The following CUL1 variants were observed in gnomAD, a reference collection of about 807,000 sequenced individuals.
CUL1 encodes cullin 1, also known as cullin-1.
A neutral mutation model predicts 118.0 loss-of-function variants in CUL1; 24 were observed. The ratio of observed to expected loss-of-function variants is 0.20; its 90% CI spans 0.15 to 0.29. The LOEUF (loss-of-function observed/expected upper bound fraction) is 0.29. CUL1 is among the 10% of genes least tolerant of loss of function. The pLI is 1.00. For missense variants in CUL1, 361 were observed against 933.8 expected, an observed-to-expected ratio of 0.39 and a Z score of 7.99; for synonymous variants, 332 against 340.4, an observed-to-expected ratio of 0.98 and a Z score of 0.27.
At chr7:148,790,479 A>G in intron 16 of CUL1, 38 bp downstream of exon 16, 1 of 1,563,070 alleles carries the variant, frequency 6.4e-7, no homozygotes, top group Non-Finnish European at 8.8e-7. Flanking sequence ...TTTCTATTCT[A>G]AATGAACATA....
chr7:148,758,610 A>G (rs1799736264), intron 4 of CUL1, among the ~76,000 whole-genome samples: 1 of 152,184 alleles, frequency 6.6e-6, no homozygotes, highest in African/African-American at 2.4e-5. Context: ...GAGTGAGATC[A>G]TGTCTCAAGA....
At chr7:148,789,976 C>T (rs1800950615) in intron 15 of CUL1, 150 bp downstream of exon 15, 7 of 759,068 alleles carry the variant, frequency 9.2e-6, no homozygotes, top group Admixed American at 2.2e-5. Flanking sequence ...CAGGGAAGAG[C>T]CCTGTGCAGT....
chr7:148,761,715 C>T lies in CUL1; in HGVS notation c.789+1219C>T, dbSNP rs147617254. ...GGATATGTACACAACTGAGTGTGGC[C>T]GGGTTCCAATAAAACTTTATTTACA... is the stretch of plus-strand genomic sequence containing the variant. On this transcript the variant is annotated intron_variant, in intron 7 of 21. Coordinates refer to ENST00000325222, the MANE Select transcript of CUL1 (RefSeq NM_003592.3). 1.8e-3 allele frequency among the ~76,000 whole-genome samples: 270 copies of T among 152,242 alleles called. 10 individuals carry two copies. In the East Asian group the frequency reaches 0.045, roughly 26 times the overall value.
At chr7:148,717,491 C>CA (rs1775487461) in intron 1 of CUL1, among the ~76,000 whole-genome samples, 1 of 151,988 alleles carries the variant, frequency 6.6e-6, no homozygotes, top group African/African-American at 2.4e-5. Context: ...GACCAGTTAC[C>CA]ACGATAACTG....
At chr7:148,762,369 A>T (rs1799858755) in intron 7 of CUL1, among the ~76,000 whole-genome samples, 1 of 152,220 alleles carries the variant, frequency 6.6e-6, no homozygotes, top group Admixed American at 6.5e-5. Context: ...GTCCTTGACA[A>T]ATCTCTGCTA....
chr7:148,742,332 T>G (rs763787108), intron 2 of CUL1, among the ~76,000 whole-genome samples: 6 of 152,300 alleles, frequency 3.9e-5, no homozygotes, highest in Non-Finnish European at 7.3e-5. Flanking sequence ...AGAAGCAAAG[T>G]CATGTCTTAC....
intron 1 of CUL1, among the ~76,000 whole-genome samples, chr7:148,725,579 G>A (rs1205016248): frequency 6.6e-6 from 1 of 152,060 alleles, no homozygotes; most frequent in Non-Finnish European, 1.5e-5. Flanking sequence ...TTGTCATCTC[G>A]TGGGTGCCCA....
chr7:148,732,936 T>C (rs1798810968), intron 2 of CUL1, among the ~76,000 whole-genome samples: 1 of 152,208 alleles, frequency 6.6e-6, no homozygotes, highest in South Asian at 2.1e-4. Context: ...CTTTCTTTAA[T>C]TCTTTAGACA....
rs1335009479 is a variant in CUL1, at chr7:148,786,448, A to G, written c.1299-103A>G. ...TTCCCTCTTCCTCTGCACTAATCTGATGAGAACTGATCTTTTGAATGCTTG... is the reference window on the plus strand; with the variant it reads ...TTCCCTCTTCCTCTGCACTAATCTGGTGAGAACTGATCTTTTGAATGCTTG... On this transcript the variant is annotated intron_variant, in intron 11 of 21. Transcript: ENST00000325222. 3.3e-6 allele frequency: 3 copies of G among 898,664 alleles called. No individual in the cohort carries two copies. The South Asian group carries it at 4.5e-5, about 13-fold the overall frequency. 55.7% of individuals were successfully genotyped at this position (898,664 alleles called of 1,614,324 possible).
At chr7:148,714,020 G>A (rs1258314549) in intron 1 of CUL1, among the ~76,000 whole-genome samples, 1 of 152,168 alleles carries the variant, frequency 6.6e-6, no homozygotes, top group Non-Finnish European at 1.5e-5. Flanking sequence ...ACGCCTGGCT[G>A]CATGTGTGTA....
chr7:148,781,767 G>A (rs1584813452), intron 9 of CUL1, among the ~76,000 whole-genome samples: 1 of 152,340 alleles, frequency 6.6e-6, no homozygotes, highest in East Asian at 1.9e-4. Flanking sequence ...AAGCCGTGCA[G>A]GCCGAGTGGT....
At chr7:148,723,559 C>T (rs1334702683) in intron 1 of CUL1, among the ~76,000 whole-genome samples, 1 of 151,818 alleles carries the variant, frequency 6.6e-6, no homozygotes, top group Non-Finnish European at 1.5e-5. Context: ...AAAGTAAATA[C>T]TTATAAGGCT....
chr7:148,730,346 T>C (rs1798718544), intron 2 of CUL1, 84 bp downstream of exon 2: 1 of 1,380,452 alleles, frequency 7.2e-7, no homozygotes, highest in African/African-American at 1.5e-5. Flanking sequence ...AATTTTATAT[T>C]GTTTTCTCCT....
chr7:148,727,096 AT>A (rs1798611472), intron 1 of CUL1, among the ~76,000 whole-genome samples: 1 of 152,226 alleles, frequency 6.6e-6, no homozygotes, highest in Non-Finnish European at 1.5e-5. Flanking sequence ...TTAAGAGTAA[AT>A]AATGCCTAGG....
chr7:148,728,458 A>G (rs898023419), intron 1 of CUL1, among the ~76,000 whole-genome samples: 7 of 152,190 alleles, frequency 4.6e-5, no homozygotes, highest in Non-Finnish European at 1.0e-4. Flanking sequence ...AGTTGATGCT[A>G]TCAGATGCAC....
At chr7:148,784,710 C>G (rs1800760843) in intron 11 of CUL1, among the ~76,000 whole-genome samples, 1 of 152,082 alleles carries the variant, frequency 6.6e-6, no homozygotes, top group Non-Finnish European at 1.5e-5. Context: ...GGAAGCTAAT[C>G]TCCTTCTGGC....
intron 16 of CUL1, among the ~76,000 whole-genome samples, chr7:148,792,488 A>C (rs1243188388): frequency 6.6e-6 from 1 of 152,222 alleles, no homozygotes; most frequent in Non-Finnish European, 1.5e-5. Context: ...TTTAAAAAAA[A>C]CCCTCAAATT....
At chr7:148,697,791 C>T (rs916992729), upstream of CUL1, 1 of 152,298 alleles carries the variant, frequency 6.6e-6, no homozygotes, top group East Asian at 1.9e-4. Flanking sequence ...GTTGGGGTTC[C>T]ACCACGCTTC....
intron 13 of CUL1, among the ~76,000 whole-genome samples, chr7:148,788,352 A>G (rs1009517474): frequency 2.0e-5 from 3 of 152,248 alleles, no homozygotes; most frequent in African/African-American, 7.2e-5. Flanking sequence ...TTCACTGTGC[A>G]ACATAGAGTT....
Sources: allele counts gnomAD v4.1 joint callset (sites outside exome capture counted in the v4.1 genomes callset), GRCh38; gene constraint gnomAD v4.1.1; transcripts MANE v1.5; gene names NCBI Gene and HGNC (gene_info 2026-07-23, HGNC 2026-07-21).